DLG2: variants seen among roughly 807,000 people sequenced by gnomAD.
The protein encoded by DLG2 is discs large MAGUK scaffold protein 2, also known as disks large homolog 2.
DLG2 carries 45 observed loss-of-function variants against 132.5 expected under a neutral mutation model. The ratio of observed to expected loss-of-function variants is 0.34; its 90% CI spans 0.27 to 0.44. The LOEUF is 0.44. DLG2 is among the 20% of genes least tolerant of loss of function. The probability of loss-of-function intolerance (pLI) is 1.00; values close to 1 mark genes in which losing one functional copy is unlikely to be tolerated. For synonymous variants in DLG2, 424 were observed against 419.6 expected, an observed-to-expected ratio of 1.01 and a Z score of -0.13; for missense variants, 1,045 against 1,196.9, an observed-to-expected ratio of 0.87 and a Z score of 1.87.
Position 85,208,084 on chromosome 11 carries a change from T to C in DLG2, c.187-53433A>G, listed in dbSNP as rs191184464. 1.4e-3 allele frequency among the ~76,000 whole-genome samples: 217 copies of C among 152,232 alleles called. 1 individual carries two copies. The highest frequency in any genetic ancestry group is 1.9e-3 in the Non-Finnish European group (129 of 68,020). Reference sequence around the variant, plus strand: ...GACAGACATTATATTAGATATTTTATAGAACTTACCCAGTTTTATTCTTGT... The same window carrying C: ...GACAGACATTATATTAGATATTTTACAGAACTTACCCAGTTTTATTCTTGT... On this transcript the variant is annotated intron_variant, in intron 4 of 27. Transcript: ENST00000376104.
intron 15 of DLG2, 86 bp from the exon 16 acceptor site, chr11:83,874,574 A>T (rs1475239389): frequency 2.8e-6 from 3 of 1,055,242 alleles, no homozygotes; most frequent in Non-Finnish European, 4.0e-6. Flanking sequence ...TTTAGGGTAC[A>T]TGTGCACAAC....
intron 18 of DLG2, among the ~76,000 whole-genome samples, chr11:83,737,568 C>T (rs578051700): frequency 1.2e-4 from 18 of 152,278 alleles, no homozygotes; most frequent in Non-Finnish European, 2.2e-4. Flanking sequence ...AAAGTCCATA[C>T]GATTATAAAC....
At chr11:84,848,389 G>A (rs1213126283) in intron 6 of DLG2, among the ~76,000 whole-genome samples, 1 of 152,124 alleles carries the variant, frequency 6.6e-6, no homozygotes, top group East Asian at 1.9e-4. Context: ...AGCTACTCGG[G>A]AGGCTGAGGC....
rs536463526 is a variant in DLG2 at position 83,473,286 on chromosome 11, C to T, written c.2294-509G>A. Among the ~76,000 whole-genome samples the T allele has an allele frequency of 1.5e-3, 223 of 152,160 alleles. 5 individuals are homozygous for T. Among genetic ancestry groups the T allele is most frequent in the Admixed American group, 2.1e-3 (32 of 15,270 alleles). On this transcript the variant is annotated intron_variant, in intron 22 of 27. Coordinates refer to ENST00000376104, the MANE Select transcript of DLG2 (RefSeq NM_001142699.3). Reference sequence around the variant, plus strand: ...TCAGGGTTTTACTCTAATATTAATTCGTCAGGAAAATGCTGTGGGTCAATT... The same window carrying T: ...TCAGGGTTTTACTCTAATATTAATTTGTCAGGAAAATGCTGTGGGTCAATT...
At position 83,930,338 on chromosome 11, in the gene DLG2, C is replaced by T; in HGVS notation, c.1486G>A (p.Glu496Lys). Residue 496 changes from glutamate (E) to lysine (K), a missense_variant, in exon 15 of 28, where the codon GAG becomes AAG. Physicochemically the swap from Glu to Lys is moderately conservative, Grantham distance 56 (BLOSUM62 1). This residue lies in a region of DLG2 where 261 missense variants were observed against 256.1 expected (regional missense o/e 1.02). Coordinates refer to ENST00000376104, the MANE Select transcript of DLG2 (RefSeq NM_001142699.3). The stretch of plus-strand genomic sequence containing the variant: ...AAGCGCATGCAGTACCTGGTCATCT[C>T]AGAGTCAGGTAGCAGGCCTAGGTGG... The part of the protein sequence containing the change: ...HYHLGLLPDS[E>K]MTSHSQHSTA... 1 of 1,613,726 alleles carries T rather than the reference C, an allele frequency of 6.2e-7. No individual in the cohort carries two copies. Among genetic ancestry groups the T allele is most frequent in the Middle Eastern group, 1.7e-4 (1 of 5,994 alleles).
intron 10 of DLG2, among the ~76,000 whole-genome samples, chr11:84,087,311 AC>A (rs1175070705): frequency 6.6e-6 from 1 of 152,108 alleles, no homozygotes; most frequent in Non-Finnish European, 1.5e-5. Context: ...CCTTGCCAAC[AC>A]TTATACTGTC....
intron 8 of DLG2, among the ~76,000 whole-genome samples, chr11:84,221,926 ATTATG>A (rs963376824): frequency 1.3e-5 from 2 of 152,128 alleles, no homozygotes; most frequent in African/African-American, 2.4e-5. Context: ...ATTTATAGAT[ATTATG>A]TTATTAGATA....
intron 7 of DLG2, among the ~76,000 whole-genome samples, chr11:84,439,832 T>C (rs1248244067): frequency 1.3e-5 from 2 of 152,158 alleles, no homozygotes; most frequent in Admixed American, 1.3e-4. Context: ...AGTTAATGAT[T>C]AGAAAATTTT....
chr11:84,877,778 C>G (rs181732207), intron 6 of DLG2, among the ~76,000 whole-genome samples: 38 of 152,166 alleles, frequency 2.5e-4, no homozygotes, highest in Admixed American at 2.2e-3. Context: ...AGTGAACAGG[C>G]AACCTACAGA....
intron 4 of DLG2, among the ~76,000 whole-genome samples, chr11:85,262,703 A>T (rs1038205502): frequency 6.6e-6 from 1 of 152,202 alleles, no homozygotes; most frequent in Non-Finnish European, 1.5e-5. Flanking sequence ...ATAGCTTAGA[A>T]GGTACATAAG....
At chr11:85,471,754 A>G (rs1304681763) in intron 3 of DLG2, among the ~76,000 whole-genome samples, 44 of 152,222 alleles carry the variant, frequency 2.9e-4, no homozygotes, top group Admixed American at 2.8e-3. Context: ...GAAAGCAAAT[A>G]GCAACAATAT....
At chr11:84,407,107 C>G (rs757606658) in intron 7 of DLG2, among the ~76,000 whole-genome samples, 1 of 152,158 alleles carries the variant, frequency 6.6e-6, no homozygotes, top group African/African-American at 2.4e-5. Flanking sequence ...TCAGTCCCCA[C>G]CTGGTGCCCC....
At chr11:84,320,212 C>T (rs976935261) in intron 7 of DLG2, among the ~76,000 whole-genome samples, 35 of 152,162 alleles carry the variant, frequency 2.3e-4, no homozygotes, top group Admixed American at 2.3e-3. Flanking sequence ...TCTCTTTGAC[C>T]TGGCACTGGC....
At chr11:84,962,793 G>T (rs1364490588) in intron 6 of DLG2, among the ~76,000 whole-genome samples, 1 of 152,200 alleles carries the variant, frequency 6.6e-6, no homozygotes, top group African/African-American at 2.4e-5. Context: ...ATGTGGGAAA[G>T]CTAGCTAAAG....
intron 6 of DLG2, among the ~76,000 whole-genome samples, chr11:84,661,039 A>T (rs140400009): frequency 0.018 from 2,765 of 152,314 alleles, 32 homozygotes; most frequent in Middle Eastern, 0.044. Context: ...GTTAGTGTGC[A>T]AAATTTGTTT....
At chr11:83,974,434 T>A (rs545339810) in intron 12 of DLG2, among the ~76,000 whole-genome samples, 13 of 137,368 alleles carry the variant, frequency 9.5e-5, no homozygotes, top group Non-Finnish European at 1.6e-5. Context: ...ACATCCTGAG[T>A]ATATTCCACT....
intron 6 of DLG2, among the ~76,000 whole-genome samples, chr11:85,036,468 GCA>G (rs1399292929): frequency 6.6e-6 from 1 of 152,092 alleles, no homozygotes; most frequent in African/African-American, 2.4e-5. Context: ...ATACTATGTA[GCA>G]CAGTGAATCA....
intron 3 of DLG2, among the ~76,000 whole-genome samples, chr11:85,422,421 G>A (rs1208725581): frequency 6.6e-6 from 1 of 151,990 alleles, no homozygotes; most frequent in South Asian, 2.1e-4. Flanking sequence ...GGGTTAATTT[G>A]AAGACCTTGT....
intron 7 of DLG2, among the ~76,000 whole-genome samples, chr11:84,441,043 A>C (rs2154477506): frequency 6.6e-6 from 1 of 152,270 alleles, no homozygotes; most frequent in East Asian, 1.9e-4. Flanking sequence ...GTTAATGTAA[A>C]AAATTAATTG....
Sources: allele counts gnomAD v4.1 joint callset (sites outside exome capture counted in the v4.1 genomes callset), GRCh38; gene constraint gnomAD v4.1.1; regional missense constraint gnomAD v4.1.1; transcripts MANE v1.5; gene names NCBI Gene and HGNC (gene_info 2026-07-23, HGNC 2026-07-21).